The following NTM variants were observed in gnomAD, a reference collection of about 807,000 sequenced individuals.
NTM encodes the protein neurotrimin, also known as IgLON family member 2.
NTM carries 13 observed loss-of-function variants against 42.1 expected under a neutral mutation model. That is an observed-to-expected ratio of 0.31 (90% CI 0.20 to 0.49). NTM has a LOEUF of 0.49. Ranked by LOEUF, NTM falls within the 20% of genes least tolerant of loss-of-function variation. NTM has a pLI of 0.99. For missense variants in NTM, 373 were observed against 452.8 expected (o/e 0.82, Z 1.60); for synonymous variants, 187 against 179.2 (o/e 1.04, Z -0.35).
chr11:132,224,895 C>T (rs1018860990), intron 4 of NTM, among the ~76,000 whole-genome samples: 5 of 152,166 alleles, frequency 3.3e-5, no homozygotes, highest in Admixed American at 2.0e-4. Flanking sequence ...ATTGCCTATT[C>T]GGGAGAACTA....
At chr11:131,678,301 T>A (rs2658831) in intron 1 of NTM, among the ~76,000 whole-genome samples, 1,732 of 152,282 alleles carry the variant, frequency 0.011, 36 homozygotes, top group African/African-American at 0.038. Flanking sequence ...GGTGGCTGGA[T>A]GGCCTGACCA....
chr11:131,645,561 A>G (rs2065671027), intron 1 of NTM, among the ~76,000 whole-genome samples: 1 of 152,234 alleles, frequency 6.6e-6, no homozygotes, highest in Non-Finnish European at 1.5e-5. Context: ...TTACTCTTTT[A>G]CAGACACTAG....
rs1372357500 is a variant in NTM at position 132,121,582 on chromosome 11, G to C, written c.168-24700G>C. Among the ~76,000 whole-genome samples the C allele has an allele frequency of 3.3e-5, 5 of 151,980 alleles. No individual in the cohort carries two copies. The South Asian group carries it at 1.0e-3, about 32-fold the overall frequency. ...GCTCTATTCTTGCCAATCTCCCTTT[G>C]ACCTAAGAAATCCTCTCCTGTTTCT... On this transcript the variant is annotated intron_variant, in intron 2 of 8. Coordinates refer to ENST00000683400, the MANE Select transcript of NTM (RefSeq NM_001352005.2).
chr11:131,522,781 T>G (rs1262847427), intron 1 of NTM, among the ~76,000 whole-genome samples: 2 of 152,318 alleles, frequency 1.3e-5, no homozygotes, highest in Non-Finnish European at 2.9e-5. Flanking sequence ...GATCTTAAGC[T>G]GTATTATTAG....
rs1406050370 is a variant in NTM at position 131,598,853 on chromosome 11, CT to C, written c.82+227967del. Among the ~76,000 whole-genome samples the C allele has an allele frequency of 7.9e-4, 37 of 46,808 alleles. 7 individuals are homozygous for C. The highest frequency in any genetic ancestry group is 1.2e-3 in the African/African-American group (18 of 15,292). 30.7% of individuals were successfully genotyped at this position (46,808 alleles called of 152,430 possible). On this transcript the variant is annotated intron_variant, in intron 1 of 8. Transcript: ENST00000683400. ...TCTTTCTTTCTTTCTTTCTTTCTTC[CT>C]TCCTTCCTTCCTTCCTTCCTTCTTC...
At chr11:131,785,585 T>G (rs929916402) in intron 1 of NTM, among the ~76,000 whole-genome samples, 2 of 152,170 alleles carry the variant, frequency 1.3e-5, no homozygotes, top group South Asian at 4.1e-4. Context: ...GAATTTACTA[T>G]GAGGATAATG....
chr11:132,203,283 A>G (rs1465307851), intron 3 of NTM, among the ~76,000 whole-genome samples: 2 of 152,216 alleles, frequency 1.3e-5, no homozygotes, highest in African/African-American at 4.8e-5. Context: ...CTACAGGTAC[A>G]CATTTTTAGT....
chr11:131,904,707 T>C (rs2053618296), intron 1 of NTM, among the ~76,000 whole-genome samples: 1 of 152,148 alleles, frequency 6.6e-6, no homozygotes, highest in Non-Finnish European at 1.5e-5. Context: ...TGTCCTGTCT[T>C]TTTGTCAGGT....
At chr11:132,099,696 T>G (rs901585371) in intron 2 of NTM, among the ~76,000 whole-genome samples, 8 of 152,200 alleles carry the variant, frequency 5.3e-5, no homozygotes, top group African/African-American at 1.9e-4. Flanking sequence ...AAGTCTTAAC[T>G]TAAGAAACAG....
At chr11:131,454,954 T>C (rs1215473840) in intron 1 of NTM, among the ~76,000 whole-genome samples, 2 of 152,036 alleles carry the variant, frequency 1.3e-5, no homozygotes, top group Admixed American at 6.5e-5. Flanking sequence ...AGGGGTTCTA[T>C]AGGGAGGGGG....
intron 2 of NTM, among the ~76,000 whole-genome samples, chr11:132,111,901 C>T (rs949706976): frequency 2.0e-5 from 3 of 152,224 alleles, no homozygotes; most frequent in African/African-American, 7.2e-5. Context: ...GTCAGTGATT[C>T]GTGCTTGAGG....
intron 4 of NTM, among the ~76,000 whole-genome samples, chr11:132,230,901 G>A (rs2087419179): frequency 6.6e-6 from 1 of 152,206 alleles, no homozygotes; most frequent in Non-Finnish European, 1.5e-5. Flanking sequence ...ATGCGCACCT[G>A]CAGTCGCAGC....
chr11:131,728,398 A>G (rs925740670), intron 1 of NTM, among the ~76,000 whole-genome samples: 1 of 152,212 alleles, frequency 6.6e-6, no homozygotes, highest in Non-Finnish European at 1.5e-5. Context: ...CCAGTTTATT[A>G]TAAAGGGTAT....
chr11:131,495,298 C>T (rs1955222951), intron 1 of NTM, among the ~76,000 whole-genome samples: 1 of 152,204 alleles, frequency 6.6e-6, no homozygotes, highest in South Asian at 2.1e-4. Context: ...CTCCCCCGCC[C>T]CTGTTGTTTC....
At chr11:131,449,929 C>A (rs966522500) in intron 1 of NTM, among the ~76,000 whole-genome samples, 2 of 152,142 alleles carry the variant, frequency 1.3e-5, no homozygotes, top group African/African-American at 4.8e-5. Flanking sequence ...TCGTTCCAGG[C>A]AATGTCCCCA....
At chr11:131,789,481 GAAGAAGAAGAGGAAA>G (rs2090038927) in intron 1 of NTM, among the ~76,000 whole-genome samples, 10 of 10,276 alleles carry the variant, frequency 9.7e-4, no homozygotes, top group Non-Finnish European at 1.8e-3. Context: ...AGAAGAAGAA[GAAGAAGAAGAGGAAA>G]GAAGAAGAAG....
chr11:132,106,943 AT>A (rs1288268693), intron 2 of NTM, among the ~76,000 whole-genome samples: 19 of 151,918 alleles, frequency 1.3e-4, no homozygotes, highest in Non-Finnish European at 2.8e-4. Context: ...TTTAGTGATT[AT>A]TTTAGTGCCG....
intron 1 of NTM, among the ~76,000 whole-genome samples, chr11:131,469,996 A>AT (rs1232332019): frequency 6.6e-6 from 1 of 151,898 alleles, no homozygotes; most frequent in African/African-American, 2.4e-5. Flanking sequence ...TCTTTATGGT[A>AT]TTATTCCAAT....
intron 1 of NTM, among the ~76,000 whole-genome samples, chr11:131,487,095 C>A (rs538846173): frequency 6.6e-6 from 1 of 152,334 alleles, no homozygotes; most frequent in Admixed American, 6.5e-5. Flanking sequence ...GATCCTGGCT[C>A]CACCACCAGG....
Sources: gnomAD v4.1 joint callset for allele counts (sites outside exome capture counted in the v4.1 genomes callset) on GRCh38, gnomAD v4.1.1 for gene constraint, MANE v1.5 for transcripts, NCBI Gene and HGNC (gene_info 2026-07-23, HGNC 2026-07-21) for gene names.